Variants in ADIG observed in about 807,000 individuals in gnomAD.
The protein encoded by ADIG is adipogenesis associated.
In ADIG, 12 loss-of-function variants were observed where a neutral mutation model predicts 10.7. That is an observed-to-expected ratio of 1.12 (90% CI 0.72 to 1.82). The LOEUF (loss-of-function observed/expected upper bound fraction) is 1.82, where lower values mean the gene tolerates loss of function less well. ADIG is among the 40% of genes most tolerant of loss of function. The probability of loss-of-function intolerance (pLI) is 0.00; values close to 1 mark genes in which losing one functional copy is unlikely to be tolerated. For missense variants in ADIG, 72 were observed against 92.5 expected (o/e 0.78, Z 0.91); for synonymous variants, 32 against 35.6 (o/e 0.90, Z 0.36).
At chr20:38,587,899 G>A (rs1468612556) in intron 2 of ADIG, among the ~76,000 whole-genome samples, 2 of 151,950 alleles carry the variant, frequency 1.3e-5, no homozygotes, top group Non-Finnish European at 2.9e-5. Context: ...CATCACGCCC[G>A]GCTAATTTTT....
At chr20:38,585,686 A>G (rs1168755190) in intron 1 of ADIG, 9 of 747,468 alleles carry the variant, frequency 1.2e-5, no homozygotes, top group Non-Finnish European at 1.9e-5. Context: ...TTAATGAATG[A>G]ACTAGTGGAC....
rs1435576380 is a variant in ADIG, at chr20:38,588,155, G to T, written c.*69G>T. On this transcript the variant is annotated 3_prime_UTR_variant, in exon 3 of 3. Transcript: ENST00000537425. ...GGCAATGGCAGAAGTGGATGGGAGAGACTTGCCAGGGAGGCAAGAGGACTT... is the reference window on the plus strand; with the variant it reads ...GGCAATGGCAGAAGTGGATGGGAGATACTTGCCAGGGAGGCAAGAGGACTT... 7.7e-7 allele frequency: 1 copy of T among 1,304,588 alleles called. No homozygotes were observed. The highest frequency in any genetic ancestry group is 1.0e-6 in the Non-Finnish European group (1 of 988,726). The allele number at this position is 1,304,588 out of a possible 1,614,324, so 80.8% of individuals were successfully genotyped here. A position where few individuals can be genotyped will look rare whatever the true frequency, so the allele number is the denominator to read the frequency against.
chr20:38,585,678 A>G, intron 1 of ADIG: 1 of 791,348 alleles, frequency 1.3e-6, no homozygotes, highest in Non-Finnish European at 2.0e-6. Flanking sequence ...GATGTTTGTT[A>G]ATGAATGAAC....
chr20:38,582,263 G>C (rs118044440), intron 1 of ADIG, among the ~76,000 whole-genome samples: 3,098 of 152,282 alleles, frequency 0.02, 40 homozygotes, highest in Non-Finnish European at 0.031. Context: ...CAGGTGTGGT[G>C]GCATGCATCT....
At chr20:38,586,417 C>A (rs923494843) in intron 2 of ADIG, among the ~76,000 whole-genome samples, 1 of 152,168 alleles carries the variant, frequency 6.6e-6, no homozygotes. Context: ...TAGGGCCTCA[C>A]CCCCCACCAC....
intron 1 of ADIG, chr20:38,585,422 T>C: frequency 6.5e-7 from 1 of 1,550,364 alleles, no homozygotes; most frequent in Non-Finnish European, 8.7e-7. Context: ...AATTTGCTTA[T>C]AATATACCGT....
chr20:38,586,344 C>G, intron 2 of ADIG, 183 bp downstream of exon 2: 1 of 583,040 alleles, frequency 1.7e-6, no homozygotes, highest in Non-Finnish European at 3.0e-6. Flanking sequence ...TGGTGTTGCC[C>G]TGTTAAAGGG....
chr20:38,585,614 CGT>C, intron 1 of ADIG: 1 of 1,313,050 alleles, frequency 7.6e-7, no homozygotes, highest in Non-Finnish European at 1.1e-6. Flanking sequence ...TTCGTGTGTG[CGT>C]GTTTCATCAC....
At chr20:38,583,612 G>A (rs1482430474) in intron 1 of ADIG, among the ~76,000 whole-genome samples, 1 of 152,242 alleles carries the variant, frequency 6.6e-6, no homozygotes, top group Non-Finnish European at 1.5e-5. Context: ...TGCAGGTGGT[G>A]TGGCTTTGGA....
At chr20:38,584,858 A>G (rs1601120017) in intron 1 of ADIG, among the ~76,000 whole-genome samples, 1 of 151,938 alleles carries the variant, frequency 6.6e-6, no homozygotes, top group Non-Finnish European at 1.5e-5. Flanking sequence ...GCTCACTGCA[A>G]CCTCCGACTC....
At chr20:38,586,312 C>A in intron 2 of ADIG, 151 bp downstream of exon 2, 1 of 635,114 alleles carries the variant, frequency 1.6e-6, no homozygotes, top group Non-Finnish European at 2.7e-6. Context: ...TGAGAGCCTT[C>A]TGCTTCATTG....
At chr20:38,586,318 C>T (rs2145580469) in intron 2 of ADIG, 157 bp downstream of exon 2, 1 of 624,254 alleles carries the variant, frequency 1.6e-6, no homozygotes, top group Non-Finnish European at 2.8e-6. Context: ...CCTTCTGCTT[C>T]ATTGTGGGGG....
Position 38,584,102 on chromosome 20 carries a change from C to T in ADIG, c.125-1927C>T, listed in dbSNP as rs993207231. On this transcript the variant is annotated intron_variant, in intron 1 of 2. Coordinates refer to ENST00000537425, the MANE Select transcript of ADIG (RefSeq NM_001393816.1). Reference sequence around the variant, plus strand: ...TCCCCACCACCCCCCAACACTCCTGCTGGCTCCTCAGGGCAGTTTCAGGCC... The same window carrying T: ...TCCCCACCACCCCCCAACACTCCTGTTGGCTCCTCAGGGCAGTTTCAGGCC... Among the ~76,000 whole-genome samples the T allele has an allele frequency of 9.9e-5, 15 of 152,128 alleles. No individual in the cohort carries two copies. In the South Asian group the frequency reaches 1.9e-3, roughly 19 times the overall value.
At chr20:38,585,964 T>C in intron 1 of ADIG, 65 bp from the exon 2 acceptor site, 1 of 1,497,826 alleles carries the variant, frequency 6.7e-7, no homozygotes. Context: ...AGGGGACTCC[T>C]TCCTGGGTCA....
chr20:38,582,491 G>A (rs999003083), intron 1 of ADIG, among the ~76,000 whole-genome samples: 1 of 152,306 alleles, frequency 6.6e-6, no homozygotes, highest in African/African-American at 2.4e-5. Context: ...AGCACATGCC[G>A]CCAGCAATGG....
At chr20:38,587,463 G>A (rs1226586071) in intron 2 of ADIG, among the ~76,000 whole-genome samples, 2 of 152,068 alleles carry the variant, frequency 1.3e-5, no homozygotes. Context: ...TTTGTGTACG[G>A]GGCCAGCTCC....
chr20:38,583,597 G>A (rs2088607580), intron 1 of ADIG, among the ~76,000 whole-genome samples: 1 of 152,230 alleles, frequency 6.6e-6, no homozygotes, highest in South Asian at 2.1e-4. Context: ...CAATGTGGGA[G>A]GAAATGCAGG....
intron 1 of ADIG, among the ~76,000 whole-genome samples, chr20:38,584,073 C>T (rs532730995): frequency 6.6e-6 from 1 of 152,080 alleles, no homozygotes; most frequent in Non-Finnish European, 1.5e-5. Context: ...GCTCTGCCGC[C>T]TCCTCCCCAC....
intron 1 of ADIG, chr20:38,585,418 C>G: frequency 6.5e-7 from 1 of 1,549,936 alleles, no homozygotes; most frequent in Non-Finnish European, 8.7e-7. Context: ...TTTTAATTTG[C>G]TTATAATATA....
Sources: allele counts gnomAD v4.1 joint callset (sites outside exome capture counted in the v4.1 genomes callset), GRCh38; gene constraint gnomAD v4.1.1; transcripts MANE v1.5; gene names NCBI Gene and HGNC (gene_info 2026-07-23, HGNC 2026-07-21).